Variants in ZNF37A observed in about 807,000 individuals in gnomAD.
The protein encoded by ZNF37A is zinc finger protein 37A, also known as zinc finger protein 37a (KOX 21).
In ZNF37A, 10 loss-of-function variants were observed where a neutral mutation model predicts 12.3. The ratio of observed to expected loss-of-function variants is 0.82; its 90% CI spans 0.50 to 1.38. The LOEUF (loss-of-function observed/expected upper bound fraction) is 1.38, where lower values mean the gene tolerates loss of function less well. Among genes scored for constraint, ZNF37A ranks in the 40% most tolerant of loss-of-function variants. The pLI is 0.00. For missense variants in ZNF37A, 580 were observed against 651.2 expected, an observed-to-expected ratio of 0.89 and a Z score of 1.19; for synonymous variants, 207 against 223.0, an observed-to-expected ratio of 0.93 and a Z score of 0.64.
chr10:38,133,572 T>C (rs1564386709), intron 7 of ZNF37A, among the ~76,000 whole-genome samples: 1 of 151,390 alleles, frequency 6.6e-6, no homozygotes, highest in Non-Finnish European at 1.5e-5. Flanking sequence ...AGTGTTTGGT[T>C]TTCTGTCCTT....
Position 38,096,596 on chromosome 10 carries a change from G to A in ZNF37A, c.-22G>A. ...CAGCTACACCCTCACAGTTTGCTCT[G>A]CTCTTCCAACACCAGTGGAAGATGA... On this transcript the variant is annotated 5_prime_UTR_variant, in exon 5 of 8. Transcript: ENST00000685332. The A allele has an allele frequency of 6.2e-7, 1 of 1,611,162 alleles. No homozygotes were observed. The highest frequency in any genetic ancestry group is 8.5e-7 in the Non-Finnish European group (1 of 1,178,822).
intron 5 of ZNF37A, among the ~76,000 whole-genome samples, chr10:38,107,784 A>G (rs2068250305): frequency 6.6e-6 from 1 of 152,230 alleles, no homozygotes; most frequent in Non-Finnish European, 1.5e-5. Context: ...AAAGGGATCA[A>G]TGCAACAAGA....
At position 38,117,890 on chromosome 10, in the gene ZNF37A, G is replaced by A. The variant is rs758373918; in HGVS notation, c.739G>A (p.Glu247Lys). 6.2e-7 allele frequency: 1 copy of A among 1,613,972 alleles called. No individual in the cohort carries two copies. Among genetic ancestry groups the A allele is most frequent in the East Asian group, 2.2e-5 (1 of 44,870 alleles). The change falls in exon 8 of 8, where the codon GAG becomes AAG. Residue 247 changes from glutamate to lysine, a missense_variant. Glu to Lys is a moderately conservative substitution (Grantham distance 56). Transcript: ENST00000685332. Reference sequence around the variant, plus strand: ...AATTAACAATATTATTGAATATAATGAGTGTGGAACATTTTTCAGTGAAAA... The same window carrying A: ...AATTAACAATATTATTGAATATAATAAGTGTGGAACATTTTTCAGTGAAAA... ...HSINNIIEYN[E>K]CGTFFSEKLV... is the part of the protein sequence containing the mutation.
intron 7 of ZNF37A, chr10:38,138,065 T>C (rs1318277722): frequency 1.3e-5 from 2 of 152,232 alleles, no homozygotes; most frequent in Non-Finnish European, 2.9e-5. Flanking sequence ...ATCCAGACAT[T>C]TTGATTAATC....
Position 38,118,891 on chromosome 10 carries a change from T to C in ZNF37A, c.*54T>C. 6.6e-7 allele frequency: 1 copy of C among 1,510,740 alleles called. No homozygotes were observed. Among genetic ancestry groups the C allele is most frequent in the South Asian group, 1.4e-5 (1 of 72,430 alleles). The allele number at this position is 1,510,740 out of a possible 1,614,324, so 93.6% of individuals were successfully genotyped here. On this transcript the variant is annotated 3_prime_UTR_variant, in exon 8 of 8. Coordinates refer to ENST00000685332, the MANE Select transcript of ZNF37A (RefSeq NM_001324250.3). ...AAAGGGTGAGAGAAATCTGTTAATA[T>C]AATGATAATGAGAACACCTTTGCCC...
rs953438371 is a variant in ZNF37A at position 38,121,292 on chromosome 10, C to G, written c.*2455C>G. ...AAAATCCTAAAATTGAAAAAAACATCTAGCCATATCCATAAACTATATCAT... is the reference window on the plus strand; with the variant it reads ...AAAATCCTAAAATTGAAAAAAACATGTAGCCATATCCATAAACTATATCAT... On this transcript the variant is annotated 3_prime_UTR_variant, in exon 8 of 8. Coordinates refer to ENST00000685332, the MANE Select transcript of ZNF37A (RefSeq NM_001324250.3). 6.6e-6 allele frequency: 1 copy of G among 152,056 alleles called. No individual in the cohort carries two copies. The highest frequency in any genetic ancestry group is 1.5e-5 in the Non-Finnish European group (1 of 68,018). 9.4% of individuals were successfully genotyped at this position (152,056 alleles called of 1,614,324 possible).
At chr10:38,143,859 T>C (rs180852631) in intron 7 of ZNF37A, 5 of 152,406 alleles carry the variant, frequency 3.3e-5, no homozygotes, top group Admixed American at 2.0e-4. Flanking sequence ...ACAGGACTTT[T>C]TCCTGGCAAT....
chr10:38,118,173 C>T lies in ZNF37A; in HGVS notation c.1022C>T (p.Thr341Ile). The T allele has an allele frequency of 1.2e-6, 2 of 1,613,910 alleles. No individual in the cohort carries two copies. The highest frequency in any genetic ancestry group is 1.7e-6 in the Non-Finnish European group (2 of 1,179,938). ...GGGAAATCCTTCAGTGAAAAGTCAA[C>T]CCTTACTCAACATCAAAGAACGCAC... Reference protein sequence around the residue: ...ECGKSFSEKSTLTQHQRTHTG... With the variant: ...ECGKSFSEKSILTQHQRTHTG... The change falls in exon 8 of 8, where the codon ACC (threonine) becomes ATC (isoleucine). Residue 341 changes from threonine (T) to isoleucine (I), a missense_variant. Thr to Ile is a moderately conservative substitution (Grantham distance 89). Coordinates refer to ENST00000685332, the MANE Select transcript of ZNF37A (RefSeq NM_001324250.3).
chr10:38,136,306 G>A (rs1266245018), intron 7 of ZNF37A, among the ~76,000 whole-genome samples: 1 of 152,022 alleles, frequency 6.6e-6, no homozygotes, highest in Non-Finnish European at 1.5e-5. Flanking sequence ...ACCACGCCTG[G>A]CTAATTTTTT....
intron 5 of ZNF37A, among the ~76,000 whole-genome samples, chr10:38,114,015 A>G (rs1266137803): frequency 7.2e-5 from 11 of 152,218 alleles, no homozygotes. Flanking sequence ...AGCTTTCCTT[A>G]TATGTGGATT....
intron 7 of ZNF37A, among the ~76,000 whole-genome samples, chr10:38,146,576 G>T (rs2070257891): frequency 6.6e-6 from 1 of 152,168 alleles, no homozygotes; most frequent in Non-Finnish European, 1.5e-5. Context: ...ATCTGGGCCT[G>T]AACTGTGCAG....
intron 5 of ZNF37A, among the ~76,000 whole-genome samples, chr10:38,102,792 C>G (rs1485640527): frequency 6.6e-6 from 1 of 152,086 alleles, no homozygotes; most frequent in Non-Finnish European, 1.5e-5. Context: ...TTTAATTTCC[C>G]CTTCCTTTTT....
At position 38,118,769 on chromosome 10, in the gene ZNF37A, G is replaced by A. The variant is rs1457859106; in HGVS notation, c.1618G>A (p.Val540Ile). 13 of 1,611,526 alleles carry A rather than the reference G, an allele frequency of 8.1e-6. No homozygotes were observed. Among genetic ancestry groups the A allele is most frequent in the Non-Finnish European group, 1.1e-5 (13 of 1,178,946 alleles). Residue 540 changes from valine (V) to isoleucine (I), a missense_variant, in exon 8 of 8, where the codon GTA becomes ATA. By Grantham distance (29) the Val-to-Ile change is conservative. Transcript: ENST00000685332. ...KSFYVKSKLT[V>I]HQRIHLGRNP... ...ATTCTATGTTAAGTCAAAACTAACT[G>A]TACATCAGAGAATACACTTGGGGAG...
chr10:38,125,498 A>C (rs1158197434), downstream of ZNF37A: 1 of 152,160 alleles, frequency 6.6e-6, no homozygotes, highest in Non-Finnish European at 1.5e-5. Flanking sequence ...CCCCTACTGC[A>C]TGGAGGGAGA....
chr10:38,103,746 T>C (rs1461425052), intron 5 of ZNF37A, among the ~76,000 whole-genome samples: 1 of 152,250 alleles, frequency 6.6e-6, no homozygotes, highest in Non-Finnish European at 1.5e-5. Flanking sequence ...TAAACTATTT[T>C]TGTAAAGTCA....
chr10:38,112,777 T>TGG lies in ZNF37A; in HGVS notation c.16-1978_16-1977insGG, dbSNP rs1270572596. Among the ~76,000 whole-genome samples the TGG allele has an allele frequency of 1.4e-3, 90 of 62,854 alleles. 15 individuals are homozygous for TGG. The highest frequency in any genetic ancestry group is 2.2e-3 in the African/African-American group (38 of 17,452). The allele number at this position is 62,854 out of a possible 152,430, so 41.2% of individuals were successfully genotyped here. A position where few individuals can be genotyped will look rare whatever the true frequency, so the allele number is the denominator to read the frequency against. On this transcript the variant is annotated intron_variant, in intron 5 of 7. Transcript: ENST00000685332. ...TTTCTTTTCTTTTCTTTTCTTTTCT[T>TGG]TTCTTTTCTTTTCTTTTCTTGTCTT...
intron 5 of ZNF37A, among the ~76,000 whole-genome samples, chr10:38,097,301 C>T (rs373708492): frequency 2.0e-5 from 3 of 152,038 alleles, no homozygotes; most frequent in African/African-American, 2.4e-5. Context: ...TCAAATAGGC[C>T]GGGCTAGGTG....
chr10:38,096,156 C>T (rs2067139583), intron 4 of ZNF37A, among the ~76,000 whole-genome samples: 1 of 152,078 alleles, frequency 6.6e-6, no homozygotes, highest in Non-Finnish European at 1.5e-5. Flanking sequence ...CAGGGCAGGA[C>T]TCTGTCTCAA....
At chr10:38,105,352 G>A (rs1477079665) in intron 5 of ZNF37A, among the ~76,000 whole-genome samples, 2 of 152,014 alleles carry the variant, frequency 1.3e-5, no homozygotes, top group African/African-American at 4.8e-5. Context: ...CTCAGCTCTG[G>A]TTTGATCCCT....
Sources: gnomAD v4.1 joint callset for allele counts (sites outside exome capture counted in the v4.1 genomes callset) on GRCh38, gnomAD v4.1.1 for gene constraint, MANE v1.5 for transcripts, NCBI Gene and HGNC (gene_info 2026-07-23, HGNC 2026-07-21) for gene names.